The following APOB variants were observed in gnomAD, a reference collection of about 807,000 sequenced individuals.
The protein encoded by APOB is apolipoprotein B-100.
A neutral mutation model predicts 314.1 loss-of-function variants in APOB; 153 were observed. That is an observed-to-expected ratio of 0.49 (90% CI 0.43 to 0.56). The LOEUF is 0.56. APOB is among the 20% of genes least tolerant of loss of function. The pLI is 0.00. For missense variants in APOB, 5,430 were observed against 5,350.7 expected (o/e 1.01, Z -0.46); for synonymous variants, 2,087 against 2,036.4 (o/e 1.02, Z -0.67).
Position 21,044,018 on chromosome 2 carries a change from C to A in APOB, c.-73G>T, listed in dbSNP as rs1157518204. 2 of 798,978 alleles carry A rather than the reference C, an allele frequency of 2.5e-6. No individual in the cohort carries two copies. The highest frequency in any genetic ancestry group is 3.3e-6 in the Non-Finnish European group (2 of 601,184). The allele number at this position is 798,978 out of a possible 1,614,324, so 49.5% of individuals were successfully genotyped here. A position where few individuals can be genotyped will look rare whatever the true frequency, so the allele number is the denominator to read the frequency against. The stretch of plus-strand genomic sequence containing the variant: ...TCGCGGCCCTGGCTGGCTGGGCGGG[C>A]TCCTCAGCGGCAGCAACCGAGAAGG... On this transcript the variant is annotated 5_prime_UTR_variant, in exon 1 of 29. Transcript: ENST00000233242.
chr2:21,016,310 G>T (rs556822599), intron 21 of APOB, 129 bp downstream of exon 21: 7 of 637,632 alleles, frequency 1.1e-5, no homozygotes, highest in African/African-American at 7.4e-5. Context: ...ATTGTTGAGG[G>T]CTCTCTCTGC....
Position 21,002,494 on chromosome 2 carries a change from T to C in APOB, c.12928A>G (p.Ile4310Val). 6.2e-7 allele frequency: 1 copy of C among 1,612,254 alleles called. No individual in the cohort carries two copies. The highest frequency in any genetic ancestry group is 1.1e-5 in the South Asian group (1 of 90,926). ...QDLLQFIFQL[I>V]EDNIKQLKEM... ...TTCAGCTGTTTAATGTTATCTTCTATTAGTTGGAAAATGAATTGTAAAAGG... is the reference window on the plus strand; with the variant it reads ...TTCAGCTGTTTAATGTTATCTTCTACTAGTTGGAAAATGAATTGTAAAAGG... The change falls in exon 29 of 29, where the codon ATA becomes GTA. Residue 4310 changes from isoleucine to valine, a missense_variant. Transcript: ENST00000233242.
At chr2:21,017,149 T>C (rs914268965) in intron 20 of APOB, among the ~76,000 whole-genome samples, 2 of 152,146 alleles carry the variant, frequency 1.3e-5, no homozygotes, top group East Asian at 1.9e-4. Context: ...ATTTTTTTTT[T>C]CTCATTAAAA....
Position 21,015,431 on chromosome 2 carries a change from T to C in APOB, c.3447A>G (p.Gln1149=). The change falls in exon 22 of 29, where the codon CAA becomes CAG. Residue 1149 remains glutamine (Q), a synonymous_variant. Coordinates refer to ENST00000233242, the MANE Select transcript of APOB (RefSeq NM_000384.3). ...CATAAGCTGTAGCAGATGAGTCCAT[T>C]TGGAGAAGCAGTTTGGCAGGCGACC... The part of the protein sequence containing the change: ...AHWSPAKLLL[Q]MDSSATAYGS... The C allele has an allele frequency of 4.3e-6, 7 of 1,614,118 alleles. No individual in the cohort carries two copies. Among genetic ancestry groups the C allele is most frequent in the Non-Finnish European group, 4.2e-6 (5 of 1,180,022 alleles).
chr2:21,023,434 G>C (rs12714102), intron 17 of APOB, 91 bp downstream of exon 17: 169,097 of 1,468,584 alleles, frequency 0.12, 14,586 homozygotes, highest in African/African-American at 0.4. Flanking sequence ...TTGTCTTGAA[G>C]TGGAAACACA....
chr2:21,030,756 A>G (rs12720807), intron 10 of APOB, among the ~76,000 whole-genome samples: 1 of 152,174 alleles, frequency 6.6e-6, no homozygotes, highest in Admixed American at 6.5e-5. Context: ...CAACAAAAAA[A>G]TCCCCCAAAT....
At position 21,028,057 on chromosome 2, in the gene APOB, T is replaced by C. The variant is rs1266778536; in HGVS notation, c.1838A>G (p.Lys613Arg). Residue 613 changes from lysine to arginine, a missense_variant, in exon 14 of 29, where the codon AAG (lysine) becomes AGG (arginine). Lys to Arg is a conservative substitution (Grantham distance 26, BLOSUM62 2). Around this residue, in one of 3 missense-constraint regions of APOB, gnomAD observed 2,085 missense variants for 2,079.7 expected, o/e 1.00. Transcript: ENST00000233242. ...TTCTTTCAGAGCTTCTTTCACTAACTTTTTCAGACTAGATAAGAAGAAGTA... is the reference window on the plus strand; with the variant it reads ...TTCTTTCAGAGCTTCTTTCACTAACCTTTTCAGACTAGATAAGAAGAAGTA... The part of the protein sequence containing the change: ...SEELDIQDLK[K>R]LVKEALKESQ... 1 of 1,598,508 alleles carries C rather than the reference T, an allele frequency of 6.3e-7. No homozygotes were observed. The highest frequency in any genetic ancestry group is 1.3e-5 in the African/African-American group (1 of 74,738).
At chr2:21,012,720 A>G in intron 25 of APOB, 69 bp from the exon 26 acceptor site, 1 of 1,542,440 alleles carries the variant, frequency 6.5e-7, no homozygotes, top group East Asian at 2.2e-5. Flanking sequence ...CTATGTTGAA[A>G]GTCTTTCAAT....
intron 20 of APOB, 58 bp downstream of exon 20, chr2:21,018,934 T>A (rs1488443735): frequency 6.2e-7 from 1 of 1,612,410 alleles, no homozygotes; most frequent in African/African-American, 1.3e-5. Context: ...CTTCTCCTCA[T>A]GAATTCTGAA....
Position 21,006,104 on chromosome 2 carries a change from G to A in APOB, c.10764C>T (p.Thr3588=). Residue 3588 remains threonine (T), a synonymous_variant, in exon 26 of 29, where the codon ACC becomes ACT. Coordinates refer to ENST00000233242, the MANE Select transcript of APOB (RefSeq NM_000384.3). ...FTNGEHTSKA[T]LELSPWQMSA... ...ACATTTGCCATGGAGAGAGTTCCAG[G>A]GTGGCTTTGCTTGTATGTTCTCCGT... 3 of 1,613,980 alleles carry A rather than the reference G, an allele frequency of 1.9e-6. No individual in the cohort carries two copies. Among genetic ancestry groups the A allele is most frequent in the Non-Finnish European group, 1.7e-6 (2 of 1,179,950 alleles).
In APOB at chr2:21,033,480, A is replaced by G. The variant is rs1381850264; in HGVS notation, c.943T>C (p.Ser315Pro). Residue 315 changes from serine (S) to proline (P), a missense_variant, in exon 9 of 29, where the codon TCC (serine) becomes CCC (proline). By Grantham distance (74) the Ser-to-Pro change is moderately conservative. Transcript: ENST00000233242. ...TCGGCCTGCTTTGGAGGTGATGTGG[A>G]TTTGGTGCTCTCAAATGCGAGGCCC... is the stretch of plus-strand genomic sequence containing the variant. ...KMGLAFESTK[S>P]TSPPKQAEAV... The G allele has an allele frequency of 6.2e-7, 1 of 1,614,080 alleles. No homozygotes were observed.
intron 1 of APOB, 70 bp from the exon 2 acceptor site, chr2:21,043,621 G>A (rs1447214833): frequency 4.5e-6 from 7 of 1,552,766 alleles, no homozygotes; most frequent in Non-Finnish European, 5.2e-6. Flanking sequence ...CCCGACAGGG[G>A]GACCACCGGC....
At chr2:21,021,787 C>T (rs2103369035) in intron 18 of APOB, among the ~76,000 whole-genome samples, 1 of 152,306 alleles carries the variant, frequency 6.6e-6, no homozygotes, top group South Asian at 2.1e-4. Context: ...GCACAGGCTA[C>T]ATGATATAAA....
chr2:21,006,911 A>G lies in APOB; in HGVS notation c.9957T>C (p.Asp3319=), dbSNP rs1484004752. 6.2e-7 allele frequency: 1 copy of G among 1,614,126 alleles called. No individual in the cohort carries two copies. Among genetic ancestry groups the G allele is most frequent in the Admixed American group, 1.7e-5 (1 of 60,014 alleles). Reference sequence around the variant, plus strand: ...GGCTTATGGTACACAATTCCTTGAAATCTGGAAGAGAAAGCTTGAGATTTC... The same window carrying G: ...GGCTTATGGTACACAATTCCTTGAAGTCTGGAAGAGAAAGCTTGAGATTTC... ...VPRNLKLSLP[D]FKELCTISHI... is the part of the protein sequence containing the mutation. Residue 3319 remains aspartate, a synonymous_variant, in exon 26 of 29, where the codon GAT becomes GAC. Coordinates refer to ENST00000233242, the MANE Select transcript of APOB (RefSeq NM_000384.3).
rs1206479129 is a variant in APOB, at chr2:21,029,919, A to T, written c.1449T>A (p.Asp483Glu). ...TTACCCGCAGAATCAAATAGGTGTA[A>T]TCTTCATCCCCAGTGCAGTCATCTT... ...QIQDDCTGDE[D>E]YTYLILRVIG... Residue 483 changes from aspartate to glutamate, a missense_variant, in exon 11 of 29, where the codon GAT becomes GAA. By Grantham distance (45) the Asp-to-Glu change is conservative. Around this residue, in one of 3 missense-constraint regions of APOB, gnomAD observed 2,085 missense variants for 2,079.7 expected, o/e 1.00. Coordinates refer to ENST00000233242, the MANE Select transcript of APOB (RefSeq NM_000384.3). The T allele has an allele frequency of 1.2e-6, 2 of 1,613,646 alleles. No homozygotes were observed. Among genetic ancestry groups the T allele is most frequent in the Non-Finnish European group, 1.7e-6 (2 of 1,179,648 alleles).
chr2:21,004,728 T>C (rs990258495), intron 26 of APOB, 53 bp from the exon 27 acceptor site: 1 of 1,358,484 alleles, frequency 7.4e-7, no homozygotes, highest in African/African-American at 1.4e-5. Context: ...AGGACGTTGA[T>C]GTTTTCATTG....
chr2:21,027,005 T>C (rs1432861031), intron 14 of APOB, 41 bp from the exon 15 acceptor site: 2 of 1,599,558 alleles, frequency 1.3e-6, no homozygotes, highest in African/African-American at 1.3e-5. Context: ...ATCAGGTTTC[T>C]TTGTTGTATG....
At chr2:21,034,507 C>A (rs113548298) in intron 8 of APOB, among the ~76,000 whole-genome samples, 1 of 152,210 alleles carries the variant, frequency 6.6e-6, no homozygotes, top group African/African-American at 2.4e-5. Flanking sequence ...TGGTCCACCT[C>A]GTCTGGGACA....
chr2:21,002,549 C>T lies in APOB; in HGVS notation c.12873G>A (p.Lys4291=). The change falls in exon 29 of 29, where the codon AAG becomes AAA. Residue 4291 remains lysine, a synonymous_variant. Coordinates refer to ENST00000233242, the MANE Select transcript of APOB (RefSeq NM_000384.3). ...QEVFKAIQSL[K]TTEVLRNLQD... ...GAAGATTACGTAGCACCTCTGTGGT[C>T]TTGAGAGACTGAATGGCTTTAAATA... 6.2e-7 allele frequency: 1 copy of T among 1,613,888 alleles called. No individual in the cohort carries two copies. The highest frequency in any genetic ancestry group is 1.1e-5 in the South Asian group (1 of 91,050).
Sources: allele counts gnomAD v4.1 joint callset (sites outside exome capture counted in the v4.1 genomes callset), GRCh38; gene constraint gnomAD v4.1.1; regional missense constraint gnomAD v4.1.1; transcripts MANE v1.5; gene names NCBI Gene and HGNC (gene_info 2026-07-23, HGNC 2026-07-21).